The following PCDHGB4 variants were observed in gnomAD, a reference collection of about 807,000 sequenced individuals.
PCDHGB4 encodes the protein protocadherin gamma subfamily B, 4, also known as protocadherin gamma-B4.
PCDHGB4 carries 38 observed loss-of-function variants against 60.5 expected under a neutral mutation model. That is an observed-to-expected ratio of 0.63 (90% CI 0.48 to 0.82). PCDHGB4 has a LOEUF of 0.82. Ranked by LOEUF, PCDHGB4 falls within the 40% of genes least tolerant of loss-of-function variation. The pLI is 0.00. For missense variants in PCDHGB4, 1,109 were observed against 1,209.6 expected (o/e 0.92, Z 1.23); for synonymous variants, 456 against 509.7 (o/e 0.89, Z 1.42).
Position 141,490,618 on chromosome 5 carries a change from A to C in PCDHGB4, c.2398-4189A>C. The C allele has an allele frequency of 6.2e-7, 1 of 1,614,104 alleles. No homozygotes were observed. Among genetic ancestry groups the C allele is most frequent in the South Asian group, 1.1e-5 (1 of 91,080 alleles). ...ACCCCGCTTCAACCAGCAGCTTTAC[A>C]CTGCTTACATCCTAGAAAACCGGCC... On this transcript the variant is annotated intron_variant, in intron 1 of 3. Coordinates refer to ENST00000519479, the MANE Select transcript of PCDHGB4 (RefSeq NM_003736.4). This position sits in a 1 kb window ranked among gnomAD's most constrained non-coding sequence, Gnocchi z 5.4.
rs2099450974 is a variant in PCDHGB4 at position 141,478,361 on chromosome 5, G to A, written c.2398-16446G>A. 6 of 1,613,776 alleles carry A rather than the reference G, an allele frequency of 3.7e-6. No individual in the cohort carries two copies. The East Asian group carries it at 1.3e-4, about 36-fold the overall frequency. ...CTCCTTGCACGCGGACGCCGTGCGGGGAGGCCTGATGTCGCCGCACCTTTA... is the reference window on the plus strand; with the variant it reads ...CTCCTTGCACGCGGACGCCGTGCGGAGAGGCCTGATGTCGCCGCACCTTTA... On this transcript the variant is annotated intron_variant, in intron 1 of 3. Coordinates refer to ENST00000519479, the MANE Select transcript of PCDHGB4 (RefSeq NM_003736.4).
intron 1 of PCDHGB4, among the ~76,000 whole-genome samples, chr5:141,475,204 A>G (rs2099360413): frequency 6.6e-6 from 1 of 152,176 alleles, no homozygotes; most frequent in African/African-American, 2.4e-5. Flanking sequence ...AGATCTTGGG[A>G]AAAGGATTGA....
At chr5:141,508,682 C>G (rs2099870913) in intron 3 of PCDHGB4, among the ~76,000 whole-genome samples, 1 of 152,080 alleles carries the variant, frequency 6.6e-6, no homozygotes, top group Non-Finnish European at 1.5e-5. Context: ...TCCCTTCTCC[C>G]TGCTTCTCCG....
At chr5:141,422,333 T>C in intron 1 of PCDHGB4, 1 of 1,549,594 alleles carries the variant, frequency 6.5e-7, no homozygotes, top group Non-Finnish European at 8.7e-7. Flanking sequence ...GTGATTGCTC[T>C]TCTAAATGTG....
rs200411745 is a variant in PCDHGB4, at chr5:141,490,281, C to T, written c.2398-4526C>T. The T allele has an allele frequency of 1.2e-6, 2 of 1,614,070 alleles. No homozygotes were observed. The highest frequency in any genetic ancestry group is 1.3e-5 in the African/African-American group (1 of 74,924). On this transcript the variant is annotated intron_variant, in intron 1 of 3. Transcript: ENST00000519479. This position sits in a 1 kb window ranked among gnomAD's most constrained non-coding sequence, Gnocchi z 5.4. The stretch of plus-strand genomic sequence containing the variant: ...ATGTGGGGGATGTCAATGACAATGC[C>T]CCAGAGGTGCTATTGGCCTCTTTGG...
In PCDHGB4 at chr5:141,511,131, C is replaced by T; in HGVS notation, c.2730C>T (p.Gly910=). ...GGGATGGCAAGGCCCCAGCAGGTGG[C>T]AATGGCAACAAGAAGAAGTCGGGCA... is the stretch of plus-strand genomic sequence containing the variant. ...GKRDGKAPAG[G]NGNKKKSGKK... is the part of the protein sequence containing the mutation. The change falls in exon 4 of 4, where the codon GGC becomes GGT. Residue 910 remains glycine (G), a synonymous_variant. Coordinates refer to ENST00000519479, the MANE Select transcript of PCDHGB4 (RefSeq NM_003736.4). 2 of 1,614,202 alleles carry T rather than the reference C, an allele frequency of 1.2e-6. No homozygotes were observed. Among genetic ancestry groups the T allele is most frequent in the Non-Finnish European group, 1.7e-6 (2 of 1,180,020 alleles).
At position 141,431,968 on chromosome 5, in the gene PCDHGB4, T is replaced by A. The variant is rs571981127; in HGVS notation, c.2397+41687T>A. On this transcript the variant is annotated intron_variant, in intron 1 of 3. Coordinates refer to ENST00000519479, the MANE Select transcript of PCDHGB4 (RefSeq NM_003736.4). The surrounding 1 kb of genome is among the most constrained non-coding windows in gnomAD (Gnocchi z 4.8). Reference sequence around the variant, plus strand: ...AAAAATCTTACGGAAATTACTATAGTTTAGTCACAGACATAGTCTTGGATA... The same window carrying A: ...AAAAATCTTACGGAAATTACTATAGATTAGTCACAGACATAGTCTTGGATA... 1.9e-6 allele frequency: 3 copies of A among 1,614,072 alleles called. No individual in the cohort carries two copies. Among genetic ancestry groups the A allele is most frequent in the Non-Finnish European group, 2.5e-6 (3 of 1,180,014 alleles).
intron 1 of PCDHGB4, chr5:141,410,854 T>C: frequency 2.6e-6 from 1 of 387,418 alleles, no homozygotes; most frequent in Non-Finnish European, 4.2e-6. Flanking sequence ...TTTGTCTTTT[T>C]TTTTTTTTTT....
At chr5:141,446,822 A>G (rs976227044) in intron 1 of PCDHGB4, among the ~76,000 whole-genome samples, 1 of 152,206 alleles carries the variant, frequency 6.6e-6, no homozygotes, top group African/African-American at 2.4e-5. Flanking sequence ...TCAGATGGGT[A>G]GATCCTTATA....
intron 1 of PCDHGB4, chr5:141,392,941 C>T (rs780347240): frequency 6.2e-7 from 1 of 1,613,940 alleles, no homozygotes. Context: ...GACAAAGGCT[C>T]CTTCGTGGGT....
At chr5:141,414,046 A>G (rs780040293) in intron 1 of PCDHGB4, 1 of 1,611,254 alleles carries the variant, frequency 6.2e-7, no homozygotes, top group Non-Finnish European at 8.5e-7. Context: ...ATTACCTGAC[A>G]CGCAATTGTT....
In PCDHGB4 at chr5:141,511,460, A is replaced by ACCC. The variant is rs1367357803; in HGVS notation, c.*289_*291dup. The ACCC allele has an allele frequency of 2.4e-4, 137 of 564,806 alleles. 1 individual carries two copies. In the Middle Eastern group the frequency reaches 2.7e-3, roughly 11 times the overall value. The allele number at this position is 564,806 out of a possible 1,614,324, so 35.0% of individuals were successfully genotyped here. A position where few individuals can be genotyped will look rare whatever the true frequency, so the allele number is the denominator to read the frequency against. ...GTAGACACCAAGAACCATTTGCCAC[A>ACCC]CCCCGTTTAGTTACAGCTGAACTCC... On this transcript the variant is annotated 3_prime_UTR_variant, in exon 4 of 4. Transcript: ENST00000519479.
chr5:141,485,124 C>T lies in PCDHGB4; in HGVS notation c.2398-9683C>T. The T allele has an allele frequency of 7.2e-7, 1 of 1,390,146 alleles. No individual in the cohort carries two copies. The highest frequency in any genetic ancestry group is 1.0e-6 in the Non-Finnish European group (1 of 990,090). The allele number at this position is 1,390,146 out of a possible 1,614,324, so 86.1% of individuals were successfully genotyped here. ...GCTGCTGTGGCTGTTTGGGGCGGGT[C>T]GGCTTCATCCGCGTCTCAGGAGCAA... On this transcript the variant is annotated intron_variant, in intron 1 of 3. Coordinates refer to ENST00000519479, the MANE Select transcript of PCDHGB4 (RefSeq NM_003736.4). The surrounding 1 kb of genome is among the most constrained non-coding windows in gnomAD (Gnocchi z 5.7).
Position 141,409,090 on chromosome 5 carries a change from G to C in PCDHGB4, c.2397+18809G>C, listed in dbSNP as rs181368417. 9.9e-5 allele frequency: 159 copies of C among 1,614,024 alleles called. No individual in the cohort carries two copies. The African/African-American group carries it at 1.9e-3, about 19-fold the overall frequency. On this transcript the variant is annotated intron_variant, in intron 1 of 3. Transcript: ENST00000519479. ...CAAAACATATGTTCTCATTGGATGA[G>C]AAAACAGGTATGATTAAGAATAACC...
intron 1 of PCDHGB4, chr5:141,400,592 G>A: frequency 3.7e-6 from 6 of 1,603,194 alleles, no homozygotes; most frequent in Non-Finnish European, 5.1e-6. Flanking sequence ...TGAAACTATC[G>A]TACATTTTCA....
At position 141,490,289 on chromosome 5, in the gene PCDHGB4, T is replaced by C; in HGVS notation, c.2398-4518T>C. ...GATGTCAATGACAATGCCCCAGAGG[T>C]GCTATTGGCCTCTTTGGCCAACCCT... On this transcript the variant is annotated intron_variant, in intron 1 of 3. Transcript: ENST00000519479. This position sits in a 1 kb window ranked among gnomAD's most constrained non-coding sequence, Gnocchi z 5.4. The C allele has an allele frequency of 1.2e-6, 2 of 1,614,096 alleles. No homozygotes were observed. The highest frequency in any genetic ancestry group is 1.7e-6 in the Non-Finnish European group (2 of 1,180,016).
At position 141,398,826 on chromosome 5, in the gene PCDHGB4, C is replaced by T. The variant is rs755219133; in HGVS notation, c.2397+8545C>T. On this transcript the variant is annotated intron_variant, in intron 1 of 3. Coordinates refer to ENST00000519479, the MANE Select transcript of PCDHGB4 (RefSeq NM_003736.4). ...CCACTGAGCTCCGGATCCAGGTAACCGACGCCAATGATAATCCCCCGGTAT... is the reference window on the plus strand; with the variant it reads ...CCACTGAGCTCCGGATCCAGGTAACTGACGCCAATGATAATCCCCCGGTAT... 81 of 1,613,942 alleles carry T rather than the reference C, an allele frequency of 5.0e-5. 1 individual carries two copies. In the South Asian group the frequency reaches 7.7e-4, roughly 15 times the overall value.
chr5:141,506,165 C>T (rs1359711670), intron 3 of PCDHGB4, among the ~76,000 whole-genome samples: 8 of 152,038 alleles, frequency 5.3e-5, no homozygotes, highest in South Asian at 2.1e-4. Context: ...AAGAGCACAG[C>T]CTAAGCTGGG....
At chr5:141,412,441 G>A (rs1334085357) in intron 1 of PCDHGB4, 2 of 152,124 alleles carry the variant, frequency 1.3e-5, no homozygotes, top group Non-Finnish European at 2.9e-5. Context: ...GTTAATTAAG[G>A]CTCAGTAAAA....
Sources: gnomAD v4.1 joint callset for allele counts (sites outside exome capture counted in the v4.1 genomes callset) on GRCh38, gnomAD v4.1.1 for gene constraint, Gnocchi (gnomAD v3.1) non-coding constraint, MANE v1.5 for transcripts, NCBI Gene and HGNC (gene_info 2026-07-23, HGNC 2026-07-21) for gene names.